MYCBP2: variants seen among roughly 807,000 people sequenced by gnomAD.
MYCBP2 encodes MYC binding protein 2.
Under a neutral mutation model 525.3 loss-of-function variants are expected in MYCBP2, and 120 were observed. The ratio of observed to expected loss-of-function variants is 0.23; its 90% CI spans 0.20 to 0.27. The LOEUF (loss-of-function observed/expected upper bound fraction) is 0.27, where lower values mean the gene tolerates loss of function less well. Among genes scored for constraint, MYCBP2 ranks in the 10% least tolerant of loss-of-function variants. The pLI is 1.00. For missense variants in MYCBP2, 4,149 were observed against 5,657.1 expected, an observed-to-expected ratio of 0.73 and a Z score of 8.55; for synonymous variants, 1,894 against 1,955.8, an observed-to-expected ratio of 0.97 and a Z score of 0.83.
intron 20 of MYCBP2, among the ~76,000 whole-genome samples, chr13:77,219,861 G>A (rs867744900): frequency 3.9e-5 from 6 of 152,210 alleles, no homozygotes; most frequent in Middle Eastern, 6.8e-3. Context: ...GTCCATGAGT[G>A]AGCTTCAAAA....
chr13:77,166,568 G>C lies in MYCBP2; in HGVS notation c.6115-14C>G. Reference sequence around the variant, plus strand: ...TGGGAATGTCACCTGAGGTCAACAGGCAAAGTGACATGAATACAGATATAT... The same window carrying C: ...TGGGAATGTCACCTGAGGTCAACAGCCAAAGTGACATGAATACAGATATAT... On this transcript the variant is annotated splice_polypyrimidine_tract_variant and intron_variant, in intron 40 of 82. Coordinates refer to ENST00000544440, the MANE Select transcript of MYCBP2 (RefSeq NM_015057.5). 1 of 1,584,018 alleles carries C rather than the reference G, an allele frequency of 6.3e-7. No homozygotes were observed. The highest frequency in any genetic ancestry group is 8.7e-7 in the Non-Finnish European group (1 of 1,155,502).
chr13:77,128,836 G>GA (rs1466647918), intron 52 of MYCBP2, among the ~76,000 whole-genome samples: 85 of 151,624 alleles, frequency 5.6e-4, no homozygotes, highest in Non-Finnish European at 5.9e-5. Context: ...GTTGGCAGCA[G>GA]AAAAAATAAA....
At chr13:77,142,130 G>A (rs1221191235) in intron 49 of MYCBP2, among the ~76,000 whole-genome samples, 1 of 152,122 alleles carries the variant, frequency 6.6e-6, no homozygotes, top group Non-Finnish European at 1.5e-5. Context: ...AATTTTTAGA[G>A]AAAAGAAAAT....
At chr13:77,187,799 C>T (rs1009991755) in intron 30 of MYCBP2, among the ~76,000 whole-genome samples, 1 of 151,936 alleles carries the variant, frequency 6.6e-6, no homozygotes, top group Non-Finnish European at 1.5e-5. Flanking sequence ...GTAATCCCAG[C>T]ACTTTGGGAG....
intron 52 of MYCBP2, among the ~76,000 whole-genome samples, chr13:77,127,927 A>G (rs976728351): frequency 6.6e-6 from 1 of 151,906 alleles, no homozygotes; most frequent in Non-Finnish European, 1.5e-5. Context: ...ACTTATACAA[A>G]TATGTACTAA....
At chr13:77,276,011 C>T (rs1336181849) in intron 4 of MYCBP2, among the ~76,000 whole-genome samples, 1 of 152,128 alleles carries the variant, frequency 6.6e-6, no homozygotes, top group Non-Finnish European at 1.5e-5. Context: ...TCTCAGAACT[C>T]CTTCTACTTT....
At chr13:77,121,262 TTTTAA>T in intron 55 of MYCBP2, 106 bp downstream of exon 55, 1 of 1,031,126 alleles carries the variant, frequency 9.7e-7, no homozygotes, top group South Asian at 3.8e-5. Context: ...CATGAACAAA[TTTTAA>T]TTTAATAAAG....
chr13:77,307,635 A>C lies in MYCBP2; in HGVS notation c.303-10961T>G, dbSNP rs559034534. On this transcript the variant is annotated intron_variant, in intron 1 of 82. Transcript: ENST00000544440. ...AGTGAGACCCTGTCTCAAAAAAAAA[A>C]AAAAAAAAAAAAAAAAAAACTTCAT... Among the ~76,000 whole-genome samples, 285 of 135,264 alleles carry C rather than the reference A, an allele frequency of 2.1e-3. 6 individuals are homozygous for C. Among genetic ancestry groups the C allele is most frequent in the African/African-American group, 6.4e-3 (250 of 39,056 alleles). 88.7% of individuals were successfully genotyped at this position (135,264 alleles called of 152,430 possible). A position where few individuals can be genotyped will look rare whatever the true frequency, so the allele number is the denominator to read the frequency against.
intron 55 of MYCBP2, 49 bp downstream of exon 55, chr13:77,121,324 A>C: frequency 7.1e-7 from 1 of 1,417,750 alleles, no homozygotes; most frequent in East Asian, 2.4e-5. Context: ...AGAAGGTAAT[A>C]AAAAATATTG....
At chr13:77,288,503 C>T in intron 2 of MYCBP2, 127 bp from the exon 3 acceptor site, 1 of 817,456 alleles carries the variant, frequency 1.2e-6, no homozygotes, top group African/African-American at 1.7e-5. Context: ...ACAGCAGAGA[C>T]AGTCTAAGTC....
Position 77,088,985 on chromosome 13 carries a change from C to G in MYCBP2, c.10572G>C (p.Arg3524=), listed in dbSNP as rs757965308. ...LLRHPSPELS[R]LISAHSSLSK... is the part of the protein sequence containing the mutation. ...AAAGAGAGCTGTGGGCTGAGATTAG[C>G]CGAGAAAGCTCAGGAGACGGATGTC... The change falls in exon 61 of 83, where the codon CGG becomes CGC. Residue 3524 remains arginine (R), a synonymous_variant. Transcript: ENST00000544440. 1.2e-6 allele frequency: 2 copies of G among 1,613,144 alleles called. No individual in the cohort carries two copies. The highest frequency in any genetic ancestry group is 1.7e-6 in the Non-Finnish European group (2 of 1,179,484).
At chr13:77,238,557 C>T (rs1456634031) in intron 17 of MYCBP2, among the ~76,000 whole-genome samples, 2 of 151,968 alleles carry the variant, frequency 1.3e-5, no homozygotes, top group Non-Finnish European at 2.9e-5. Flanking sequence ...CATCAATCAA[C>T]CCAATATAAT....
chr13:77,312,437 T>G (rs1201255464), intron 1 of MYCBP2, among the ~76,000 whole-genome samples: 1 of 152,050 alleles, frequency 6.6e-6, no homozygotes, highest in Non-Finnish European at 1.5e-5. Context: ...AACTATAACA[T>G]AAAGGTCTCT....
intron 4 of MYCBP2, among the ~76,000 whole-genome samples, chr13:77,275,241 T>A (rs1452918057): frequency 6.6e-6 from 1 of 152,228 alleles, no homozygotes; most frequent in Non-Finnish European, 1.5e-5. Flanking sequence ...ATATTCTTCA[T>A]GTAATGAAAT....
intron 51 of MYCBP2, 67 bp downstream of exon 51, chr13:77,139,976 CTTAT>C (rs1048761769): frequency 2.0e-6 from 2 of 986,634 alleles, no homozygotes; most frequent in African/African-American, 1.6e-5. Flanking sequence ...ACTCAGTAAC[CTTAT>C]TATTATGCAA....
chr13:77,313,602 ATAAT>A (rs2080541259), intron 1 of MYCBP2, among the ~76,000 whole-genome samples: 2 of 152,118 alleles, frequency 1.3e-5, no homozygotes, highest in African/African-American at 4.8e-5. Context: ...CATTAAAGAA[ATAAT>A]TAATAAGCTG....
chr13:77,248,190 C>T (rs923675668), intron 15 of MYCBP2, among the ~76,000 whole-genome samples: 2 of 148,604 alleles, frequency 1.3e-5, no homozygotes, highest in Non-Finnish European at 3.0e-5. Context: ...CTTCACAACA[C>T]TAGATTGGGA....
At chr13:77,157,614 T>G (rs1003266731) in intron 45 of MYCBP2, among the ~76,000 whole-genome samples, 1 of 151,776 alleles carries the variant, frequency 6.6e-6, no homozygotes, top group Non-Finnish European at 1.5e-5. Context: ...TAGCCGGGTG[T>G]GGTGGCATAT....
intron 82 of MYCBP2, among the ~76,000 whole-genome samples, chr13:77,047,034 A>G (rs1388676716): frequency 6.6e-6 from 1 of 152,178 alleles, no homozygotes; most frequent in Non-Finnish European, 1.5e-5. Flanking sequence ...TGAGTCATTT[A>G]CTCAACAAAT....
Sources: gnomAD v4.1 joint callset for allele counts (sites outside exome capture counted in the v4.1 genomes callset) on GRCh38, gnomAD v4.1.1 for gene constraint, MANE v1.5 for transcripts, NCBI Gene and HGNC (gene_info 2026-07-23, HGNC 2026-07-21) for gene names.